ZNF407: variants seen among roughly 807,000 people sequenced by gnomAD.
ZNF407 encodes the protein zinc finger protein 407.
Under a neutral mutation model 131.2 loss-of-function variants are expected in ZNF407, and 17 were observed. The ratio of observed to expected loss-of-function variants is 0.13; its 90% CI spans 0.09 to 0.19. ZNF407 has a LOEUF of 0.19. Among genes scored for constraint, ZNF407 ranks in the 10% least tolerant of loss-of-function variants. The pLI, the probability that ZNF407 is intolerant of heterozygous loss-of-function variation, is 1.00. For missense variants in ZNF407, 2,681 were observed against 2,830.6 expected (o/e 0.95, Z 1.20); for synonymous variants, 1,156 against 1,062.0 (o/e 1.09, Z -1.72).
intron 4 of ZNF407, among the ~76,000 whole-genome samples, chr18:74,845,659 T>A (rs930333933): frequency 1.3e-5 from 2 of 152,240 alleles, no homozygotes; most frequent in Non-Finnish European, 2.9e-5. Context: ...TGCTGATCTA[T>A]TTGAAGAAAG....
chr18:75,032,187 T>A (rs1973248743), intron 8 of ZNF407, among the ~76,000 whole-genome samples: 2 of 152,190 alleles, frequency 1.3e-5, no homozygotes, highest in African/African-American at 4.8e-5. Flanking sequence ...AAACAAGCTT[T>A]TCCGTGTCAC....
At chr18:74,967,964 A>G (rs1972427588) in intron 8 of ZNF407, among the ~76,000 whole-genome samples, 1 of 151,990 alleles carries the variant, frequency 6.6e-6, no homozygotes, top group South Asian at 2.1e-4. Flanking sequence ...CATTTGTTCA[A>G]TTGTCTATGT....
intron 8 of ZNF407, among the ~76,000 whole-genome samples, chr18:75,037,173 A>G (rs1469792184): frequency 1.3e-5 from 2 of 152,214 alleles, no homozygotes; most frequent in African/African-American, 4.8e-5. Flanking sequence ...TGCTCAAGAA[A>G]AGTCTATATT....
chr18:74,964,869 T>C (rs1203892311), intron 8 of ZNF407, among the ~76,000 whole-genome samples: 1 of 152,212 alleles, frequency 6.6e-6, no homozygotes, highest in Non-Finnish European at 1.5e-5. Context: ...ACCCTCCCTT[T>C]AGATGTCTGC....
intron 8 of ZNF407, among the ~76,000 whole-genome samples, chr18:75,024,360 C>T (rs1973147165): frequency 6.6e-6 from 1 of 152,088 alleles, no homozygotes; most frequent in South Asian, 2.1e-4. Flanking sequence ...CCTTTAATCA[C>T]ACCACACAGA....
At position 74,652,150 on chromosome 18, in the gene ZNF407, T is replaced by C. The variant is rs143202600; in HGVS notation, c.4802+11028T>C. 2.7e-3 allele frequency among the ~76,000 whole-genome samples: 411 copies of C among 152,176 alleles called. 2 individuals carry two copies. Among genetic ancestry groups the C allele is most frequent in the African/African-American group, 9.2e-3 (384 of 41,552 alleles). On this transcript the variant is annotated intron_variant, in intron 3 of 8. Transcript: ENST00000299687. ...ACCCTTTTAAAGAGGCTTTTGAAAATATTATTCAGAGCTATAATGTAGGAA... is the reference window on the plus strand; with the variant it reads ...ACCCTTTTAAAGAGGCTTTTGAAAACATTATTCAGAGCTATAATGTAGGAA...
chr18:74,835,024 C>G (rs1970535939), intron 4 of ZNF407, among the ~76,000 whole-genome samples: 1 of 152,166 alleles, frequency 6.6e-6, no homozygotes, highest in Non-Finnish European at 1.5e-5. Context: ...AGATAGGAGG[C>G]AAATTCCCCC....
intron 8 of ZNF407, among the ~76,000 whole-genome samples, chr18:74,951,298 G>C (rs1423482240): frequency 6.6e-6 from 1 of 152,226 alleles, no homozygotes; most frequent in Non-Finnish European, 1.5e-5. Context: ...GAAGGCAGGA[G>C]TAACAAAGGC....
intron 4 of ZNF407, among the ~76,000 whole-genome samples, chr18:74,844,394 C>G (rs765349169): frequency 2.6e-5 from 4 of 152,192 alleles, no homozygotes; most frequent in Non-Finnish European, 5.9e-5. Flanking sequence ...CTCTAAGGCA[C>G]AAATTGCATT....
chr18:74,646,273 T>C (rs2144699299), intron 3 of ZNF407, among the ~76,000 whole-genome samples: 1 of 152,306 alleles, frequency 6.6e-6, no homozygotes, highest in Admixed American at 6.5e-5. Context: ...CCATCATATC[T>C]ACAGATATAT....
chr18:74,811,496 C>G (rs887503204), intron 4 of ZNF407, among the ~76,000 whole-genome samples: 1 of 152,090 alleles, frequency 6.6e-6, no homozygotes, highest in East Asian at 1.9e-4. Flanking sequence ...ACTAGAAATA[C>G]CATTTGACCC....
intron 8 of ZNF407, among the ~76,000 whole-genome samples, chr18:74,964,172 C>T (rs4891039): frequency 0.17 from 25,653 of 152,148 alleles, 2,506 homozygotes; most frequent in Admixed American, 0.27. Flanking sequence ...CTCCCACTGT[C>T]GTGTACATGG....
chr18:74,855,414 A>G (rs917999101), intron 4 of ZNF407, among the ~76,000 whole-genome samples: 16 of 152,250 alleles, frequency 1.1e-4, no homozygotes, highest in Admixed American at 6.5e-5. Flanking sequence ...TACATGTAGC[A>G]TAATTTAACA....
chr18:74,781,937 T>C (rs1018547544), intron 4 of ZNF407, among the ~76,000 whole-genome samples: 1 of 152,158 alleles, frequency 6.6e-6, no homozygotes, highest in African/African-American at 2.4e-5. Context: ...TCTTGTGTCA[T>C]CCCCCAAATA....
intron 3 of ZNF407, among the ~76,000 whole-genome samples, chr18:74,678,645 T>C (rs1465194182): frequency 1.3e-5 from 2 of 152,162 alleles, no homozygotes; most frequent in Non-Finnish European, 2.9e-5. Flanking sequence ...AGTCACACAT[T>C]TTAAATAGTT....
At chr18:74,956,535 A>G (rs762788618) in intron 8 of ZNF407, among the ~76,000 whole-genome samples, 9 of 152,058 alleles carry the variant, frequency 5.9e-5, no homozygotes, top group Non-Finnish European at 1.0e-4. Context: ...TTTCCATTCT[A>G]GTGTACACAC....
At position 74,816,605 on chromosome 18, in the gene ZNF407, T is replaced by C. The variant is rs1269815961; in HGVS notation, c.4877+35103T>C. ...GCTTTGATTTATTTAAACCTAGAATTTGGCGTTTTATTTGTGTGTTTTAAT... is the reference window on the plus strand; with the variant it reads ...GCTTTGATTTATTTAAACCTAGAATCTGGCGTTTTATTTGTGTGTTTTAAT... On this transcript the variant is annotated intron_variant, in intron 4 of 8. Coordinates refer to ENST00000299687, the MANE Select transcript of ZNF407 (RefSeq NM_017757.3). Among the ~76,000 whole-genome samples the C allele has an allele frequency of 4.6e-5, 7 of 152,244 alleles. No homozygotes were observed. The East Asian group carries it at 1.3e-3, about 29-fold the overall frequency.
At chr18:74,855,808 G>A (rs1970851317) in intron 4 of ZNF407, among the ~76,000 whole-genome samples, 2 of 152,196 alleles carry the variant, frequency 1.3e-5, no homozygotes, top group African/African-American at 4.8e-5. Flanking sequence ...GGGTAGCTGT[G>A]AAGAGGGAGG....
At chr18:74,619,677 A>G (rs1293417610) in intron 1 of ZNF407, among the ~76,000 whole-genome samples, 1 of 152,188 alleles carries the variant, frequency 6.6e-6, no homozygotes, top group African/African-American at 2.4e-5. Context: ...TAAGTAAAGG[A>G]TATAAATTCT....
Sources: allele counts gnomAD v4.1 joint callset (sites outside exome capture counted in the v4.1 genomes callset), GRCh38; gene constraint gnomAD v4.1.1; transcripts MANE v1.5; gene names NCBI Gene and HGNC (gene_info 2026-07-23, HGNC 2026-07-21).